SLC24A2: variants seen among roughly 807,000 people sequenced by gnomAD.
SLC24A2 encodes sodium/potassium/calcium exchanger 2.
Under a neutral mutation model 62.0 loss-of-function variants are expected in SLC24A2, and 36 were observed. That is an observed-to-expected ratio of 0.58 (90% CI 0.44 to 0.77). The LOEUF (loss-of-function observed/expected upper bound fraction) is 0.77, where lower values mean the gene tolerates loss of function less well. Among genes scored for constraint, SLC24A2 ranks in the 30% least tolerant of loss-of-function variants. The pLI is 0.00. For missense variants in SLC24A2, 846 were observed against 817.9 expected, an observed-to-expected ratio of 1.03 and a Z score of -0.42; for synonymous variants, 358 against 294.0, an observed-to-expected ratio of 1.22 and a Z score of -2.23.
chr9:20,297,409 G>T, the SLC24A2 span, among the ~76,000 whole-genome samples: 2 of 152,194 alleles, frequency 1.3e-5, no homozygotes, highest in African/African-American at 4.8e-5. Context: ...AAACGAGGCT[G>T]CAGTTTGAAG....
the SLC24A2 span, among the ~76,000 whole-genome samples, chr9:19,850,626 C>T: frequency 5.9e-5 from 9 of 152,032 alleles, no homozygotes; most frequent in East Asian, 9.6e-4. Flanking sequence ...ATCTTCCCTC[C>T]CATCCCAGCC....
the SLC24A2 span, chr9:19,895,676 T>G: frequency 2.6e-6 from 2 of 766,870 alleles, no homozygotes; most frequent in South Asian, 4.7e-5. Flanking sequence ...GCTCCTGCCT[T>G]CCTTCACATT....
chr9:20,039,767 A>G, the SLC24A2 span, among the ~76,000 whole-genome samples: 2 of 152,152 alleles, frequency 1.3e-5, no homozygotes, highest in African/African-American at 4.8e-5. Flanking sequence ...AACAAGGATA[A>G]AAAGTCTCTC....
chr9:20,113,687 T>C, the SLC24A2 span, among the ~76,000 whole-genome samples: 1 of 152,198 alleles, frequency 6.6e-6, no homozygotes, highest in South Asian at 2.1e-4. Context: ...AATGCATACA[T>C]ATGTGTATCC....
the SLC24A2 span, among the ~76,000 whole-genome samples, chr9:20,163,601 T>C: frequency 1.8e-3 from 271 of 152,244 alleles, 1 homozygote; most frequent in African/African-American, 5.8e-3. Context: ...AAGCTACCAA[T>C]GACTTTCTTC....
At chr9:19,834,935 A>G in the SLC24A2 span, among the ~76,000 whole-genome samples, 2 of 152,200 alleles carry the variant, frequency 1.3e-5, no homozygotes, top group African/African-American at 4.8e-5. Context: ...ATTCTTAAAG[A>G]AAAGAATTTT....
At chr9:19,577,879 T>C (rs976596649) in intron 5 of SLC24A2, among the ~76,000 whole-genome samples, 9 of 149,240 alleles carry the variant, frequency 6.0e-5, no homozygotes, top group Non-Finnish European at 1.5e-5. Flanking sequence ...TATTCCAACA[T>C]ATATATATGA....
At chr9:19,518,900 T>C (rs1240638732) in intron 10 of SLC24A2, among the ~76,000 whole-genome samples, 1 of 152,148 alleles carries the variant, frequency 6.6e-6, no homozygotes, top group African/African-American at 2.4e-5. Flanking sequence ...GGAAAAGAAA[T>C]GTACAAGACA....
At chr9:19,992,967 A>C in the SLC24A2 span, among the ~76,000 whole-genome samples, 1 of 152,198 alleles carries the variant, frequency 6.6e-6, no homozygotes, top group African/African-American at 2.4e-5. Context: ...TGGCTCAGTC[A>C]GTGGTAGCCA....
the SLC24A2 span, among the ~76,000 whole-genome samples, chr9:19,977,113 T>TTTTGTGTG: frequency 1.4e-5 from 2 of 145,220 alleles, no homozygotes; most frequent in African/African-American, 2.6e-5. Flanking sequence ...ATTTCTATAT[T>TTTTGTGTG]TGTGTGTGTG....
chr9:20,245,913 G>A, the SLC24A2 span, among the ~76,000 whole-genome samples: 1 of 152,160 alleles, frequency 6.6e-6, no homozygotes, highest in East Asian at 1.9e-4. Flanking sequence ...TTTTACAGGT[G>A]AGGAAAATGA....
At chr9:20,040,991 T>C in the SLC24A2 span, among the ~76,000 whole-genome samples, 4 of 152,250 alleles carry the variant, frequency 2.6e-5, no homozygotes, top group Admixed American at 1.3e-4. Context: ...AATGCTTTTA[T>C]TCTCTCCTAA....
At position 19,516,032 on chromosome 9, in the gene SLC24A2, G is replaced by A. The variant is rs529187917; in HGVS notation, c.*121C>T. ...ATCCATCTCTCCTCAAATTCACCAA[G>A]GAGGGACACTTGGCACCCAGGGCTG... On this transcript the variant is annotated 3_prime_UTR_variant, in exon 11 of 11. Transcript: ENST00000341998. 105 of 1,241,184 alleles carry A rather than the reference G, an allele frequency of 8.5e-5. No individual in the cohort carries two copies. In the African/African-American group the frequency reaches 1.5e-3, roughly 18 times the overall value. The allele number at this position is 1,241,184 out of a possible 1,614,324, so 76.9% of individuals were successfully genotyped here. A position where few individuals can be genotyped will look rare whatever the true frequency, so the allele number is the denominator to read the frequency against.
At chr9:20,287,215 G>C in the SLC24A2 span, among the ~76,000 whole-genome samples, 38 of 152,326 alleles carry the variant, frequency 2.5e-4, no homozygotes, top group African/African-American at 8.9e-4. Context: ...TGACTCAGCA[G>C]TTTAAAAGGA....
chr9:19,692,141 A>G (rs1426988556), intron 2 of SLC24A2, among the ~76,000 whole-genome samples: 2 of 152,204 alleles, frequency 1.3e-5, no homozygotes, highest in East Asian at 3.9e-4. Context: ...TATGTCATAG[A>G]TGAATGGCAA....
chr9:20,186,752 G>T, the SLC24A2 span, among the ~76,000 whole-genome samples: 1 of 152,128 alleles, frequency 6.6e-6, no homozygotes, highest in Non-Finnish European at 1.5e-5. Context: ...TAAATGTTAT[G>T]ATATATTTTA....
the SLC24A2 span, among the ~76,000 whole-genome samples, chr9:20,019,083 GAGAAAGAAAGAAAGAAAGATAGAA>G: frequency 1.5e-3 from 158 of 106,074 alleles, 3 homozygotes; most frequent in South Asian, 2.0e-3. Flanking sequence ...CAGAGAAAGA[GAGAAAGAAAGAAAGAAAGATAGAA>G]AGAAAGAAAG....
chr9:20,166,825 C>A, the SLC24A2 span, among the ~76,000 whole-genome samples: 8 of 151,784 alleles, frequency 5.3e-5, no homozygotes, highest in African/African-American at 1.7e-4. Flanking sequence ...AAAGAAAAAA[C>A]CCTAATACCA....
At chr9:19,605,257 T>C (rs528678447) in intron 4 of SLC24A2, among the ~76,000 whole-genome samples, 5 of 152,300 alleles carry the variant, frequency 3.3e-5, no homozygotes, top group South Asian at 2.1e-4. Flanking sequence ...AATAAATGCT[T>C]CTGTAGATTT....
Sources: allele counts gnomAD v4.1 joint callset (sites outside exome capture counted in the v4.1 genomes callset), GRCh38; gene constraint gnomAD v4.1.1; transcripts MANE v1.5; gene names NCBI Gene and HGNC (gene_info 2026-07-23, HGNC 2026-07-21).